Variants in TNKS2 observed in about 807,000 individuals in gnomAD.
TNKS2 encodes poly [ADP-ribose] polymerase tankyrase-2.
A neutral mutation model predicts 137.6 loss-of-function variants in TNKS2; 72 were observed. That is an observed-to-expected ratio of 0.52 (90% CI 0.43 to 0.64). TNKS2 has a LOEUF of 0.64. TNKS2 is among the 30% of genes least tolerant of loss of function. The probability of loss-of-function intolerance (pLI) is 0.00; values close to 1 mark genes in which losing one functional copy is unlikely to be tolerated. For synonymous variants in TNKS2, 516 were observed against 512.1 expected (o/e 1.01, Z -0.10); for missense variants, 1,049 against 1,410.2 (o/e 0.74, Z 4.10).
intron 1 of TNKS2, among the ~76,000 whole-genome samples, chr10:91,801,231 AAG>A (rs1466727501): frequency 6.6e-6 from 1 of 152,218 alleles, no homozygotes; most frequent in African/African-American, 2.4e-5. Context: ...GTTCAATTAA[AAG>A]AATAATCCGT....
At chr10:91,807,285 T>A (rs1285776221) in intron 1 of TNKS2, 7 of 1,613,098 alleles carry the variant, frequency 4.3e-6, no homozygotes, top group Non-Finnish European at 5.9e-6. Flanking sequence ...TTGGTCTGTT[T>A]TATACACCAA....
chr10:91,829,663 A>G (rs577589765), intron 9 of TNKS2, among the ~76,000 whole-genome samples: 73 of 152,316 alleles, frequency 4.8e-4, no homozygotes, highest in African/African-American at 1.6e-3. Context: ...CAAAGGAACT[A>G]TGTTCTCCAA....
intron 24 of TNKS2, among the ~76,000 whole-genome samples, chr10:91,858,013 A>G (rs1174225291): frequency 6.6e-6 from 1 of 152,222 alleles, no homozygotes; most frequent in Non-Finnish European, 1.5e-5. Flanking sequence ...AATTGAAAGC[A>G]CAATTACTTA....
chr10:91,854,662 G>A (rs1251967654), intron 21 of TNKS2, among the ~76,000 whole-genome samples: 1 of 152,078 alleles, frequency 6.6e-6, no homozygotes, highest in Non-Finnish European at 1.5e-5. Flanking sequence ...CCAGCACTTT[G>A]GGAGGCTAAG....
chr10:91,817,640 A>C (rs1844752101), intron 3 of TNKS2, among the ~76,000 whole-genome samples: 1 of 151,734 alleles, frequency 6.6e-6, no homozygotes, highest in Admixed American at 6.6e-5. Context: ...AAGCTGTACT[A>C]TTTTTTTTAA....
At chr10:91,862,716 A>G (rs961686554) in intron 26 of TNKS2, among the ~76,000 whole-genome samples, 7 of 152,160 alleles carry the variant, frequency 4.6e-5, no homozygotes, top group Admixed American at 6.5e-5. Context: ...TTTTAGTCTT[A>G]TCTGATACTT....
chr10:91,833,875 G>A lies in TNKS2; in HGVS notation c.1298G>A (p.Gly433Asp). Reference protein sequence around the residue: ...EAKVNALDNLGQTSLHRAAYC... With the variant: ...EAKVNALDNLDQTSLHRAAYC... The stretch of plus-strand genomic sequence containing the variant: ...AAGGTTAATGCTCTGGATAATCTTG[G>A]TCAGACTTCTCTACACAGAGCTGCA... The change falls in exon 12 of 27, where the codon GGT (glycine) becomes GAT (aspartate). Residue 433 changes from glycine to aspartate, a missense_variant. Gly to Asp is a moderately conservative substitution (Grantham distance 94, BLOSUM62 -1). Transcript: ENST00000371627. The A allele has an allele frequency of 6.3e-7, 1 of 1,599,884 alleles. No homozygotes were observed. Among genetic ancestry groups the A allele is most frequent in the Admixed American group, 1.8e-5 (1 of 56,044 alleles).
intron 2 of TNKS2, among the ~76,000 whole-genome samples, chr10:91,813,942 G>A (rs1411020641): frequency 6.6e-6 from 1 of 151,956 alleles, no homozygotes; most frequent in African/African-American, 2.4e-5. Flanking sequence ...ATAAAATTAT[G>A]TACACTACAT....
intron 21 of TNKS2, among the ~76,000 whole-genome samples, chr10:91,851,567 T>C (rs1210349811): frequency 1.3e-5 from 2 of 152,158 alleles, no homozygotes; most frequent in African/African-American, 4.8e-5. Flanking sequence ...ATTCAGAAAT[T>C]TGGGAATTGT....
chr10:91,812,929 A>G, intron 1 of TNKS2, 54 bp from the exon 2 acceptor site: 1 of 1,592,576 alleles, frequency 6.3e-7, no homozygotes, highest in East Asian at 2.2e-5. Flanking sequence ...TACTTATCTA[A>G]TTTGATATCT....
intron 21 of TNKS2, among the ~76,000 whole-genome samples, chr10:91,854,222 G>T (rs1242696973): frequency 6.6e-6 from 1 of 152,158 alleles, no homozygotes; most frequent in East Asian, 1.9e-4. Flanking sequence ...AAAGAAGAAA[G>T]AGATTAAATG....
chr10:91,833,251 C>T (rs1312627529), intron 11 of TNKS2, among the ~76,000 whole-genome samples: 2 of 152,120 alleles, frequency 1.3e-5, no homozygotes, highest in Non-Finnish European at 2.9e-5. Context: ...AAAGTGCGTT[C>T]TAGGCCTTGA....
chr10:91,826,225 T>G lies in TNKS2; in HGVS notation c.796-792T>G, dbSNP rs187371923. On this transcript the variant is annotated intron_variant, in intron 7 of 26. Transcript: ENST00000371627. ...TTAATAATTTTGTGCACGAATTAAGTTTGTGTGCATAAGGTTAGGTGTGGA... is the reference window on the plus strand; with the variant it reads ...TTAATAATTTTGTGCACGAATTAAGGTTGTGTGCATAAGGTTAGGTGTGGA... 4.5e-3 allele frequency among the ~76,000 whole-genome samples: 680 copies of G among 152,304 alleles called. 9 individuals are homozygous for G. Among genetic ancestry groups the G allele is most frequent in the African/African-American group, 0.015 (644 of 41,550 alleles).
At chr10:91,819,833 G>A (rs1045180299) in intron 5 of TNKS2, 106 bp from the exon 6 acceptor site, 36 of 911,406 alleles carry the variant, frequency 3.9e-5, no homozygotes, top group African/African-American at 8.6e-5. Flanking sequence ...ACTACTTAGC[G>A]AAGTTATAAT....
intron 3 of TNKS2, among the ~76,000 whole-genome samples, chr10:91,818,373 G>A (rs961728788): frequency 6.6e-6 from 1 of 151,572 alleles, no homozygotes; most frequent in African/African-American, 2.4e-5. Flanking sequence ...ATTTAAAGTA[G>A]CATTAAATAA....
At chr10:91,859,761 T>G (rs1310623208) in intron 25 of TNKS2, 113 bp downstream of exon 25, 13 of 782,034 alleles carry the variant, frequency 1.7e-5, no homozygotes, top group Non-Finnish European at 2.6e-5. Context: ...CTAGGCATGT[T>G]TTAGATTGCT....
At chr10:91,805,107 CTT>C (rs5786972) in intron 1 of TNKS2, among the ~76,000 whole-genome samples, 2,270 of 146,912 alleles carry the variant, frequency 0.015, 34 homozygotes, top group African/African-American at 0.048. Context: ...CTCCAAGCAA[CTT>C]TTTTTTTTTT....
rs1358204093 is a variant in TNKS2, at chr10:91,820,137, A to G, written c.728+104A>G. On this transcript the variant is annotated intron_variant, in intron 6 of 26. Transcript: ENST00000371627. Reference sequence around the variant, plus strand: ...ATATTTTTTACTAAATAACATTAATATATATTGAGCTTTTACAATGTACAG... The same window carrying G: ...ATATTTTTTACTAAATAACATTAATGTATATTGAGCTTTTACAATGTACAG... 12 of 733,444 alleles carry G rather than the reference A, an allele frequency of 1.6e-5. No homozygotes were observed. The South Asian group carries it at 2.1e-4, about 13-fold the overall frequency. The allele number at this position is 733,444 out of a possible 1,614,324, so 45.4% of individuals were successfully genotyped here.
chr10:91,812,526 G>A lies in TNKS2; in HGVS notation c.200-457G>A, dbSNP rs1343136711. Among the ~76,000 whole-genome samples the A allele has an allele frequency of 2.6e-5, 4 of 152,254 alleles. No homozygotes were observed. In the East Asian group the frequency reaches 5.8e-4, roughly 22 times the overall value. ...TTTTGTTGCTTCTTGTAGTCCCCCAGTTTAGCAGAAACATTCTGTGAGATA... is the reference window on the plus strand; with the variant it reads ...TTTTGTTGCTTCTTGTAGTCCCCCAATTTAGCAGAAACATTCTGTGAGATA... On this transcript the variant is annotated intron_variant, in intron 1 of 26. Transcript: ENST00000371627.
Sources: gnomAD v4.1 joint callset for allele counts (sites outside exome capture counted in the v4.1 genomes callset) on GRCh38, gnomAD v4.1.1 for gene constraint, MANE v1.5 for transcripts, NCBI Gene and HGNC (gene_info 2026-07-23, HGNC 2026-07-21) for gene names.